NOL4L: variants seen among roughly 807,000 people sequenced by gnomAD.
NOL4L encodes nucleolar protein 4 like, also known as nucleolar protein 4-like.
Under a neutral mutation model 64.5 loss-of-function variants are expected in NOL4L, and 7 were observed. That is an observed-to-expected ratio of 0.11 (90% CI 0.06 to 0.20). The LOEUF is 0.20. Ranked by LOEUF, NOL4L falls within the 10% of genes least tolerant of loss-of-function variation. The pLI, the probability that NOL4L is intolerant of heterozygous loss-of-function variation, is 1.00. For synonymous variants in NOL4L, 413 were observed against 401.0 expected (o/e 1.03, Z -0.36); for missense variants, 680 against 967.1 (o/e 0.70, Z 3.94).
chr20:32,514,092 T>A (rs749485201), intron 3 of NOL4L, among the ~76,000 whole-genome samples: 2 of 152,178 alleles, frequency 1.3e-5, no homozygotes, highest in Non-Finnish European at 2.9e-5. Flanking sequence ...ACTTTATAGA[T>A]CAAATAACAT....
At chr20:32,554,507 A>G in intron 1 of NOL4L, among the ~76,000 whole-genome samples, 1 of 152,034 alleles carries the variant, frequency 6.6e-6, no homozygotes, top group South Asian at 2.1e-4. Flanking sequence ...TTCTTTTGCA[A>G]TAAAGGACAA....
At position 32,488,809 on chromosome 20, in the gene NOL4L, CTTTCTTTCTTTCTTTCTTTTTCTT is replaced by C. The variant is rs1273548077; in HGVS notation, c.700-14091_700-14068del. ...TTCCTTCCTTTCTTTCTTTCTTTTT[CTTTCTTTCTTTCTTTCTTTTTCTT>C]TCTTTCTTTCTTTCTTTCTTTCTTT... On this transcript the variant is annotated intron_variant, in intron 4 of 10. Transcript: ENST00000621426. Among the ~76,000 whole-genome samples, 182 of 25,640 alleles carry C rather than the reference CTTTCTTTCTTTCTTTCTTTTTCTT, an allele frequency of 7.1e-3. 8 individuals are homozygous for C. Among genetic ancestry groups the C allele is most frequent in the South Asian group, 0.016 (12 of 744 alleles). 16.8% of individuals were successfully genotyped at this position (25,640 alleles called of 152,430 possible).
chr20:32,535,954 A>G, intron 1 of NOL4L: 1 of 985,452 alleles, frequency 1.0e-6, no homozygotes, highest in South Asian at 4.7e-5. Context: ...GGGGGCAGGG[A>G]GAGGGTCCAC....
chr20:32,517,146 G>GCCC (rs767644205), intron 3 of NOL4L, among the ~76,000 whole-genome samples: 1 of 152,200 alleles, frequency 6.6e-6, no homozygotes, highest in African/African-American at 2.4e-5. Context: ...GGCTGTCCAG[G>GCCC]TCCCCCCCAC....
intron 4 of NOL4L, among the ~76,000 whole-genome samples, chr20:32,506,937 C>T (rs1026525309): frequency 6.6e-6 from 1 of 152,192 alleles, no homozygotes; most frequent in African/African-American, 2.4e-5. Flanking sequence ...TGCACCACTT[C>T]ACACACTGCT....
chr20:32,447,529 C>T lies in NOL4L; in HGVS notation c.*67G>A. On this transcript the variant is annotated 3_prime_UTR_variant, in exon 11 of 11. Transcript: ENST00000621426. The stretch of plus-strand genomic sequence containing the variant: ...AAACAAAATGTACCAACTGGTGAGG[C>T]AGGAAGCCAGGTCCAGGCTGGGACA... 1.3e-6 allele frequency: 2 copies of T among 1,514,880 alleles called. No individual in the cohort carries two copies. The highest frequency in any genetic ancestry group is 1.8e-6 in the Non-Finnish European group (2 of 1,141,404). 93.8% of individuals were successfully genotyped at this position (1,514,880 alleles called of 1,614,324 possible).
rs2145453295 is a variant in NOL4L, at chr20:32,463,059, C to G, written c.842-6664G>C. The stretch of plus-strand genomic sequence containing the variant: ...GGCACTGCCACCTCCTGGGCCTCCT[C>G]TTATCTACAGTCCTGGGAGTTGCCG... On this transcript the variant is annotated intron_variant, in intron 5 of 10. Transcript: ENST00000621426. The surrounding 1 kb of genome is among the most constrained non-coding windows in gnomAD (Gnocchi z 5.8). Among the ~76,000 whole-genome samples the G allele has an allele frequency of 6.6e-6, 1 of 152,254 alleles. No homozygotes were observed. The highest frequency in any genetic ancestry group is 1.5e-5 in the Non-Finnish European group (1 of 68,010).
At position 32,467,690 on chromosome 20, in the gene NOL4L, T is replaced by A. The variant is rs199791919; in HGVS notation, c.841+6911A>T. Among the ~76,000 whole-genome samples the A allele has an allele frequency of 2.0e-4, 31 of 152,242 alleles. No individual in the cohort carries two copies. The East Asian group carries it at 5.3e-3, about 26-fold the overall frequency. The stretch of plus-strand genomic sequence containing the variant: ...CCCCAATGGGCCTGTGCTGTCCACA[T>A]CTGGTCCTCAACCGCCTGGCAAGGT... On this transcript the variant is annotated intron_variant, in intron 5 of 10. Transcript: ENST00000621426.
At chr20:32,578,408 CAG>C (rs1387341817) in intron 1 of NOL4L, among the ~76,000 whole-genome samples, 1 of 152,070 alleles carries the variant, frequency 6.6e-6, no homozygotes, top group Non-Finnish European at 1.5e-5. Context: ...TTTTTTGAGA[CAG>C]AGTCTCCCTC....
At chr20:32,579,153 G>A (rs752445584) in intron 1 of NOL4L, among the ~76,000 whole-genome samples, 1 of 152,144 alleles carries the variant, frequency 6.6e-6, no homozygotes, top group African/African-American at 2.4e-5. Flanking sequence ...GCAAGCACAC[G>A]CAGTCACACC....
At chr20:32,476,681 G>A (rs1194819881) in intron 4 of NOL4L, among the ~76,000 whole-genome samples, 2 of 152,258 alleles carry the variant, frequency 1.3e-5, no homozygotes, top group East Asian at 1.9e-4. Context: ...TCTAGGTGCT[G>A]GGAAACTCAG....
intron 2 of NOL4L, among the ~76,000 whole-genome samples, chr20:32,524,254 C>A (rs960097493): frequency 6.6e-6 from 1 of 152,264 alleles, no homozygotes; most frequent in South Asian, 2.1e-4. Flanking sequence ...GCTGGAGAGA[C>A]CTCCGAGATC....
At chr20:32,579,476 A>T (rs1314727872) in intron 1 of NOL4L, among the ~76,000 whole-genome samples, 2 of 151,500 alleles carry the variant, frequency 1.3e-5, no homozygotes, top group East Asian at 3.9e-4. Context: ...AGACACCCCC[A>T]GCCACAGGCT....
At chr20:32,560,909 G>A (rs925587797) in intron 1 of NOL4L, among the ~76,000 whole-genome samples, 3 of 152,272 alleles carry the variant, frequency 2.0e-5, no homozygotes, top group Non-Finnish European at 2.9e-5. Flanking sequence ...GCATTCTCAC[G>A]CAGTGCCTGC....
At chr20:32,557,803 G>A (rs1265076624) in intron 1 of NOL4L, among the ~76,000 whole-genome samples, 1 of 152,220 alleles carries the variant, frequency 6.6e-6, no homozygotes, top group African/African-American at 2.4e-5. Flanking sequence ...GGTGGCTCAT[G>A]CCTGTAATCC....
At chr20:32,506,894 G>A (rs546635634) in intron 4 of NOL4L, among the ~76,000 whole-genome samples, 1 of 152,298 alleles carries the variant, frequency 6.6e-6, no homozygotes, top group African/African-American at 2.4e-5. Context: ...GGGCAAGCTA[G>A]AACCTCCATC....
At position 32,446,854 on chromosome 20, in the gene NOL4L, C is replaced by CTCTT. The variant is rs1275460727; in HGVS notation, c.*738_*741dup. ...CTTCTGTAGAATGGGGTCGGGGTGC[C>CTCTT]TCTTTTGTTTTGCTTTGCCATGGGT... On this transcript the variant is annotated 3_prime_UTR_variant, in exon 11 of 11. Transcript: ENST00000621426. 7.1e-5 allele frequency: 16 copies of CTCTT among 224,066 alleles called. No individual in the cohort carries two copies. Among genetic ancestry groups the CTCTT allele is most frequent in the Non-Finnish European group, 1.1e-4 (12 of 111,796 alleles). The allele number at this position is 224,066 out of a possible 1,614,324, so 13.9% of individuals were successfully genotyped here.
intron 9 of NOL4L, among the ~76,000 whole-genome samples, chr20:32,452,642 C>G (rs530536956): frequency 6.6e-6 from 1 of 152,314 alleles, no homozygotes; most frequent in African/African-American, 2.4e-5. Flanking sequence ...TCCCTGTCAG[C>G]GTATTTGATC....
chr20:32,516,344 A>C (rs2017657419), intron 3 of NOL4L, among the ~76,000 whole-genome samples: 1 of 151,658 alleles, frequency 6.6e-6, no homozygotes, highest in Non-Finnish European at 1.5e-5. Context: ...GTCTTCGAGG[A>C]GTGCTGATGT....
Sources: gnomAD v4.1 joint callset for allele counts (sites outside exome capture counted in the v4.1 genomes callset) on GRCh38, gnomAD v4.1.1 for gene constraint, Gnocchi (gnomAD v3.1) non-coding constraint, MANE v1.5 for transcripts, NCBI Gene and HGNC (gene_info 2026-07-23, HGNC 2026-07-21) for gene names.